Variants in PABPC4 observed in about 807,000 individuals in gnomAD.
PABPC4 encodes poly(A) binding protein cytoplasmic 4, also known as polyadenylate-binding protein 4.
Under a neutral mutation model 74.5 loss-of-function variants are expected in PABPC4, and 15 were observed. The observed-to-expected ratio is 0.20, with a 90% CI of 0.13 to 0.31. PABPC4 has a LOEUF of 0.31. PABPC4 is among the 10% of genes least tolerant of loss of function. PABPC4 has a pLI of 1.00. For synonymous variants in PABPC4, 345 were observed against 303.0 expected, an observed-to-expected ratio of 1.14 and a Z score of -1.44; for missense variants, 610 against 853.5, an observed-to-expected ratio of 0.71 and a Z score of 3.55.
intron 1 of PABPC4, among the ~76,000 whole-genome samples, chr1:39,575,381 C>T (rs1277888094): frequency 6.6e-6 from 1 of 152,182 alleles, no homozygotes; most frequent in African/African-American, 2.4e-5. Context: ...GTGTTTCAAA[C>T]GTCCCGCCTT....
At chr1:39,564,640 G>C (rs924975332) in intron 9 of PABPC4, 46 bp downstream of exon 9, 1 of 1,609,814 alleles carries the variant, frequency 6.2e-7, no homozygotes, top group African/African-American at 1.3e-5. Flanking sequence ...GGGGAGACCA[G>C]GACAGGTATA....
intron 12 of PABPC4, 79 bp downstream of exon 12, chr1:39,563,535 G>A: frequency 6.5e-7 from 1 of 1,531,028 alleles, no homozygotes; most frequent in East Asian, 2.3e-5. Context: ...ACCTGTTGAA[G>A]GAATCAAAAG....
At position 39,572,493 on chromosome 1, in the gene PABPC4, G is replaced by A; in HGVS notation, c.287C>T (p.Ser96Phe). 6.2e-7 allele frequency: 1 copy of A among 1,613,886 alleles called. No homozygotes were observed. Among genetic ancestry groups the A allele is most frequent in the Non-Finnish European group, 8.5e-7 (1 of 1,179,752 alleles). ...WSQRDPSLRK[S>F]GVGNVFIKNL... ...CTTGATGAAGACGTTTCCCACACCA[G>A]ATTTTCTCAAAGAGGGATCCCTCTG... The change falls in exon 2 of 16, where the codon TCT (serine) becomes TTT (phenylalanine). Residue 96 changes from serine to phenylalanine, a missense_variant. By Grantham distance (155) the Ser-to-Phe change is radical (BLOSUM62 -2). Coordinates refer to ENST00000372858, the MANE Select transcript of PABPC4 (RefSeq NM_001135653.2).
intron 5 of PABPC4, 127 bp from the exon 6 acceptor site, chr1:39,569,066 C>A: frequency 1.0e-6 from 1 of 962,170 alleles, no homozygotes; most frequent in Non-Finnish European, 1.5e-6. Flanking sequence ...CCTCTGAAGT[C>A]TGTCACACAA....
rs1358943106 is a variant in PABPC4 at position 39,576,696 on chromosome 1, A to G, written c.-745T>C. On this transcript the variant is annotated 5_prime_UTR_variant, in exon 1 of 16. Coordinates refer to ENST00000372858, the MANE Select transcript of PABPC4 (RefSeq NM_001135653.2). ...TCCTTTTTTTTTTTCAGGATTTTGA[A>G]GCGTTTTCAGATTTTTTTTATCTTT... The G allele has an allele frequency of 1.3e-5, 2 of 149,086 alleles. No homozygotes were observed. The highest frequency in any genetic ancestry group is 3.9e-4 in the East Asian group (2 of 5,164). The allele number at this position is 149,086 out of a possible 1,614,324, so 9.2% of individuals were successfully genotyped here.
Position 39,565,250 on chromosome 1 carries a change from C to T in PABPC4, c.1101G>A (p.Leu367=). Residue 367 remains leucine (L), a synonymous_variant, in exon 8 of 16, where the codon CTG becomes CTA. Coordinates refer to ENST00000372858, the MANE Select transcript of PABPC4 (RefSeq NM_001135653.2). ...IVGSKPLYVA[L]AQRKEERKAH... ...CCTTTCTCTCTTCCTTCCTCTGGGCCAGGGCAACATATAGTGGCTTGGAGC... is the reference window on the plus strand; with the variant it reads ...CCTTTCTCTCTTCCTTCCTCTGGGCTAGGGCAACATATAGTGGCTTGGAGC... The T allele has an allele frequency of 6.2e-7, 1 of 1,614,236 alleles. No homozygotes were observed. Among genetic ancestry groups the T allele is most frequent in the Non-Finnish European group, 8.5e-7 (1 of 1,180,046 alleles).
chr1:39,562,460 A>G, intron 12 of PABPC4, 44 bp from the exon 13 acceptor site: 1 of 1,397,208 alleles, frequency 7.2e-7, no homozygotes, highest in South Asian at 1.2e-5. Flanking sequence ...AGGAAAGGAC[A>G]ACACCTGATG....
intron 1 of PABPC4, among the ~76,000 whole-genome samples, chr1:39,573,419 G>A (rs1645971224): frequency 6.6e-6 from 1 of 152,162 alleles, no homozygotes; most frequent in South Asian, 2.1e-4. Flanking sequence ...TAGAATTCTA[G>A]GACTTCAGCT....
intron 1 of PABPC4, 61 bp downstream of exon 1, chr1:39,575,698 A>C (rs1646014894): frequency 1.5e-6 from 2 of 1,293,272 alleles, no homozygotes; most frequent in East Asian, 5.5e-5. Flanking sequence ...GGGCCCTGCC[A>C]GAAGACGACT....
intron 1 of PABPC4, among the ~76,000 whole-genome samples, chr1:39,575,186 G>A (rs578050285): frequency 3.9e-5 from 6 of 152,278 alleles, no homozygotes; most frequent in Non-Finnish European, 7.4e-5. Flanking sequence ...CAAGGAGGTG[G>A]CCTGGCACAC....
At chr1:39,565,714 G>T (rs936132994) in intron 7 of PABPC4, among the ~76,000 whole-genome samples, 1 of 152,116 alleles carries the variant, frequency 6.6e-6, no homozygotes, top group Non-Finnish European at 1.5e-5. Flanking sequence ...TGTAATCCTA[G>T]CTACTCAGGA....
chr1:39,569,342 T>C (rs533778582), intron 5 of PABPC4, among the ~76,000 whole-genome samples: 1 of 152,342 alleles, frequency 6.6e-6, no homozygotes, highest in Admixed American at 6.5e-5. Context: ...CTCTCACCTT[T>C]GCAGCATAAC....
rs1460256052 is a variant in PABPC4 at position 39,561,666 on chromosome 1, T to C, written c.*13+19A>G. ...GGAACAATGCTCATAGGAACAAAAATGAAAATAGCCACACATACGGTTTTT... is the reference window on the plus strand; with the variant it reads ...GGAACAATGCTCATAGGAACAAAAACGAAAATAGCCACACATACGGTTTTT... On this transcript the variant is annotated intron_variant, in intron 15 of 15. Transcript: ENST00000372858. The C allele has an allele frequency of 4.5e-6, 7 of 1,565,206 alleles. No homozygotes were observed. Among genetic ancestry groups the C allele is most frequent in the Admixed American group, 1.7e-5 (1 of 59,556 alleles).
chr1:39,567,252 A>G, intron 7 of PABPC4: 1 of 361,804 alleles, frequency 2.8e-6, no homozygotes, highest in South Asian at 2.2e-5. Flanking sequence ...AAATCAAGCA[A>G]ATGATGCACA....
intron 3 of PABPC4, 187 bp downstream of exon 3, chr1:39,571,047 C>CCA: frequency 6.8e-7 from 1 of 1,469,420 alleles, no homozygotes; most frequent in Non-Finnish European, 9.0e-7. Flanking sequence ...GGCAGGAAGC[C>CCA]CACCTTGGCG....
chr1:39,569,009 C>CA (rs1453353647), intron 5 of PABPC4, 70 bp from the exon 6 acceptor site: 1 of 1,509,050 alleles, frequency 6.6e-7, no homozygotes. Flanking sequence ...GTCTAAGTCC[C>CA]AAAAAATATT....
chr1:39,568,120 G>T (rs1377944375), intron 6 of PABPC4: 2 of 280,946 alleles, frequency 7.1e-6, no homozygotes, highest in Non-Finnish European at 1.3e-5. Flanking sequence ...AGCCAGGCAT[G>T]GTGGCGGGTG....
intron 7 of PABPC4, among the ~76,000 whole-genome samples, chr1:39,565,762 A>G (rs975760984): frequency 3.3e-5 from 5 of 152,196 alleles, no homozygotes; most frequent in Non-Finnish European, 7.3e-5. Context: ...CGGGAGACAG[A>G]GATTGCAGTG....
Position 39,563,464 on chromosome 1 carries a change from C to G in PABPC4, c.1668+150G>C, listed in dbSNP as rs1645792006. ...AGCCCCTTCTTTCCCACTAGTGAGC[C>G]CCTGAAGGGCAGGGACAGTGAATCA... On this transcript the variant is annotated intron_variant, in intron 12 of 15. Coordinates refer to ENST00000372858, the MANE Select transcript of PABPC4 (RefSeq NM_001135653.2). 2.1e-5 allele frequency: 21 copies of G among 1,005,664 alleles called. 1 individual carries two copies. The South Asian group carries it at 3.8e-4, about 18-fold the overall frequency. 62.3% of individuals were successfully genotyped at this position (1,005,664 alleles called of 1,614,324 possible).
Sources: allele counts gnomAD v4.1 joint callset (sites outside exome capture counted in the v4.1 genomes callset), GRCh38; gene constraint gnomAD v4.1.1; transcripts MANE v1.5; gene names NCBI Gene and HGNC (gene_info 2026-07-23, HGNC 2026-07-21).